MPP7: variants seen among roughly 807,000 people sequenced by gnomAD.
The protein encoded by MPP7 is MAGUK p55 subfamily member 7.
In MPP7, 60 loss-of-function variants were observed where a neutral mutation model predicts 76.5. The observed-to-expected ratio is 0.78, with a 90% CI of 0.64 to 0.97. MPP7 has a LOEUF of 0.97. Among genes scored for constraint, MPP7 ranks in the 50% least tolerant of loss-of-function variants. The pLI, the probability that MPP7 is intolerant of heterozygous loss-of-function variation, is 0.00. For missense variants in MPP7, 641 were observed against 694.0 expected (o/e 0.92, Z 0.86); for synonymous variants, 237 against 244.5 (o/e 0.97, Z 0.29).
chr10:28,129,952 A>G (rs748525561), intron 6 of MPP7, among the ~76,000 whole-genome samples: 4 of 152,052 alleles, frequency 2.6e-5, no homozygotes, highest in Admixed American at 6.6e-5. Flanking sequence ...TCACCAACAA[A>G]CAGAATTTCA....
intron 12 of MPP7, among the ~76,000 whole-genome samples, chr10:28,074,486 C>T (rs1012047938): frequency 1.3e-5 from 2 of 152,028 alleles, no homozygotes; most frequent in African/African-American, 4.8e-5. Context: ...TTAGTAGAGG[C>T]AGGGTTTCGC....
chr10:28,145,472 A>G (rs936471590), intron 5 of MPP7, among the ~76,000 whole-genome samples: 1 of 152,228 alleles, frequency 6.6e-6, no homozygotes, highest in South Asian at 2.1e-4. Flanking sequence ...GTTTACTCCC[A>G]GGACAAAAAT....
At chr10:28,250,836 C>T (rs1374151450) in intron 1 of MPP7, among the ~76,000 whole-genome samples, 1 of 152,142 alleles carries the variant, frequency 6.6e-6, no homozygotes, top group Non-Finnish European at 1.5e-5. Flanking sequence ...ACCACACTGC[C>T]TAATGAGGAG....
chr10:28,058,191 T>C (rs1004601198), intron 15 of MPP7, among the ~76,000 whole-genome samples: 1 of 152,202 alleles, frequency 6.6e-6, no homozygotes, highest in Non-Finnish European at 1.5e-5. Flanking sequence ...ATGTATTTTT[T>C]AAAAATACAG....
intron 11 of MPP7, among the ~76,000 whole-genome samples, chr10:28,096,871 A>G (rs755955126): frequency 2.0e-5 from 3 of 152,248 alleles, no homozygotes; most frequent in Non-Finnish European, 4.4e-5. Context: ...GAAATACTGA[A>G]CAACCCTTTT....
At chr10:28,135,533 C>G (rs1184615591) in intron 5 of MPP7, among the ~76,000 whole-genome samples, 1 of 152,140 alleles carries the variant, frequency 6.6e-6, no homozygotes, top group Non-Finnish European at 1.5e-5. Flanking sequence ...GGGCAGTCCC[C>G]TAAACTCCAG....
At chr10:28,254,004 G>GAAAAAAAAAAAAAAAAAAAA (rs199511617) in intron 1 of MPP7, among the ~76,000 whole-genome samples, 4 of 92,316 alleles carry the variant, frequency 4.3e-5, no homozygotes, top group East Asian at 3.8e-4. Flanking sequence ...TCACAAAAAA[G>GAAAAAAAAAAAAAAAAAAAA]AAAAAAAAAA....
chr10:28,186,191 C>T (rs1837229258), intron 3 of MPP7, among the ~76,000 whole-genome samples: 2 of 151,980 alleles, frequency 1.3e-5, no homozygotes. Context: ...ACTAAAAATA[C>T]AAAAATTAGC....
At chr10:28,230,288 G>A (rs1376035969) in intron 2 of MPP7, among the ~76,000 whole-genome samples, 3 of 152,076 alleles carry the variant, frequency 2.0e-5, no homozygotes, top group South Asian at 4.1e-4. Flanking sequence ...CAGTCATTAC[G>A]TTAACTGTAT....
At chr10:28,222,474 A>G (rs561659792) in intron 2 of MPP7, among the ~76,000 whole-genome samples, 97 of 151,828 alleles carry the variant, frequency 6.4e-4, no homozygotes, top group African/African-American at 2.2e-3. Context: ...ACAGAGTGAG[A>G]CTCTGTCTCA....
chr10:28,173,870 T>C (rs1327498716), intron 3 of MPP7, among the ~76,000 whole-genome samples: 1 of 152,198 alleles, frequency 6.6e-6, no homozygotes, highest in Non-Finnish European at 1.5e-5. Flanking sequence ...TGTAAAGATA[T>C]TCATTCTCAC....
upstream of MPP7, among the ~76,000 whole-genome samples, chr10:28,306,824 A>G (rs1284180708): frequency 6.6e-6 from 1 of 152,208 alleles, no homozygotes; most frequent in Non-Finnish European, 1.5e-5. Context: ...AGGAAGACCC[A>G]GATCGCAGAC....
chr10:28,274,737 G>A (rs1840439417), intron 1 of MPP7, among the ~76,000 whole-genome samples: 1 of 152,114 alleles, frequency 6.6e-6, no homozygotes, highest in South Asian at 2.1e-4. Flanking sequence ...TCTACTTCCT[G>A]CTACAGAAAG....
intron 5 of MPP7, among the ~76,000 whole-genome samples, chr10:28,137,591 A>G (rs939940820): frequency 7.9e-5 from 12 of 152,214 alleles, no homozygotes; most frequent in African/African-American, 2.9e-4. Flanking sequence ...TTTCATAGGC[A>G]TTAAGTTTGT....
chr10:28,236,636 T>C (rs963871210), intron 2 of MPP7: 3 of 152,152 alleles, frequency 2.0e-5, no homozygotes, highest in African/African-American at 4.8e-5. Context: ...GTTTTTTTTT[T>C]CTTCGTGAAA....
chr10:28,221,778 C>A (rs545979617), intron 2 of MPP7, among the ~76,000 whole-genome samples: 1 of 152,168 alleles, frequency 6.6e-6, no homozygotes, highest in Admixed American at 6.5e-5. Flanking sequence ...ACTGGAGCTC[C>A]CTGGGCAATA....
intron 6 of MPP7, 88 bp from the exon 7 acceptor site, chr10:28,125,179 A>G: frequency 1.8e-6 from 2 of 1,140,098 alleles, no homozygotes; most frequent in South Asian, 1.3e-5. Flanking sequence ...CATCTGAAAA[A>G]AGAGAAAACA....
intron 14 of MPP7, 35 bp downstream of exon 14, chr10:28,059,613 AAC>A (rs779638899): frequency 1.4e-6 from 2 of 1,408,240 alleles, no homozygotes; most frequent in Non-Finnish European, 1.0e-6. Context: ...GCTTATAAAA[AAC>A]AGTCACATGA....
intron 1 of MPP7, among the ~76,000 whole-genome samples, chr10:28,254,507 T>C (rs1047909618): frequency 2.6e-5 from 4 of 152,208 alleles, no homozygotes; most frequent in Non-Finnish European, 5.9e-5. Context: ...CACAGCTTGA[T>C]CTTATCTATT....
Sources: allele counts gnomAD v4.1 joint callset (sites outside exome capture counted in the v4.1 genomes callset), GRCh38; gene constraint gnomAD v4.1.1; transcripts MANE v1.5; gene names NCBI Gene and HGNC (gene_info 2026-07-23, HGNC 2026-07-21).